Variants in GRID1 observed in about 807,000 individuals in gnomAD.
GRID1 encodes glutamate ionotropic receptor delta type subunit 1, also known as glutamate receptor ionotropic, delta-1.
In GRID1, 28 loss-of-function variants were observed where a neutral mutation model predicts 98.0. That is an observed-to-expected ratio of 0.29 (90% CI 0.21 to 0.39). The LOEUF is 0.39. Ranked by LOEUF, GRID1 falls within the 10% of genes least tolerant of loss-of-function variation. The pLI, the probability that GRID1 is intolerant of heterozygous loss-of-function variation, is 1.00. For missense variants in GRID1, 1,111 were observed against 1,340.5 expected (o/e 0.83, Z 2.67); for synonymous variants, 553 against 538.5 (o/e 1.03, Z -0.37).
chr10:86,321,119 A>G (rs201562913), intron 2 of GRID1, among the ~76,000 whole-genome samples: 16 of 72,834 alleles, frequency 2.2e-4, no homozygotes, highest in Admixed American at 1.6e-3. Flanking sequence ...AAAGAAAAAA[A>G]GCAAAAAAAA....
intron 12 of GRID1, among the ~76,000 whole-genome samples, chr10:85,713,184 G>A (rs993310946): frequency 5.3e-5 from 8 of 151,476 alleles, no homozygotes; most frequent in African/African-American, 1.9e-4. Context: ...TAAGAAAAAG[G>A]TGGGAAGTTT....
intron 2 of GRID1, among the ~76,000 whole-genome samples, chr10:86,263,529 C>T (rs150230734): frequency 0.036 from 5,443 of 152,302 alleles, 212 homozygotes; most frequent in Admixed American, 0.11. Flanking sequence ...TTCGCCAGCA[C>T]CTACAGGCAG....
chr10:85,670,418 T>C (rs1841071783), intron 12 of GRID1, among the ~76,000 whole-genome samples: 1 of 152,174 alleles, frequency 6.6e-6, no homozygotes. Context: ...TATTTCTATC[T>C]TGAATAATTA....
At chr10:86,343,218 T>C (rs1264494489) in intron 2 of GRID1, among the ~76,000 whole-genome samples, 1 of 152,206 alleles carries the variant, frequency 6.6e-6, no homozygotes, top group African/African-American at 2.4e-5. Flanking sequence ...CATCTTAAGC[T>C]ACCTCACAGC....
intron 8 of GRID1, among the ~76,000 whole-genome samples, chr10:85,818,184 CAAAT>C (rs1842732794): frequency 6.6e-6 from 1 of 152,080 alleles, no homozygotes; most frequent in Admixed American, 6.6e-5. Flanking sequence ...AGTGAAGTAA[CAAAT>C]AAGTAAAAAG....
chr10:86,112,124 AG>A (rs1159635972), intron 4 of GRID1, among the ~76,000 whole-genome samples: 1 of 152,164 alleles, frequency 6.6e-6, no homozygotes, highest in Non-Finnish European at 1.5e-5. Context: ...AAGTCATCCC[AG>A]GTGAGGACAC....
Position 86,130,734 on chromosome 10 carries a change from T to A in GRID1, c.726+8085A>T, listed in dbSNP as rs545692103. Among the ~76,000 whole-genome samples, 8 of 152,350 alleles carry A rather than the reference T, an allele frequency of 5.3e-5. No homozygotes were observed. In the South Asian group the frequency reaches 1.7e-3, roughly 32 times the overall value. ...TTAACTTGTCTGTGTGACCTGATTC[T>A]TCCTGGTTGCCAGACAAGGATCTGA... On this transcript the variant is annotated intron_variant, in intron 4 of 15. Coordinates refer to ENST00000327946, the MANE Select transcript of GRID1 (RefSeq NM_017551.3).
At chr10:86,224,469 T>G (rs1376301752) in intron 2 of GRID1, among the ~76,000 whole-genome samples, 1 of 152,146 alleles carries the variant, frequency 6.6e-6, no homozygotes, top group Admixed American at 6.5e-5. Context: ...CCCACTGCCC[T>G]GCCACAGCTG....
At chr10:86,046,098 GTGCCA>G (rs1843419385) in intron 4 of GRID1, among the ~76,000 whole-genome samples, 1 of 152,108 alleles carries the variant, frequency 6.6e-6, no homozygotes, top group Non-Finnish European at 1.5e-5. Flanking sequence ...ACCCACCGTT[GTGCCA>G]TGTCAGTTTA....
chr10:86,346,876 TG>T (rs1474254206), intron 2 of GRID1, among the ~76,000 whole-genome samples: 1 of 152,124 alleles, frequency 6.6e-6, no homozygotes, highest in Non-Finnish European at 1.5e-5. Context: ...AATGTATGCA[TG>T]GGGTAAGGAG....
At chr10:86,328,495 C>T (rs7087612) in intron 2 of GRID1, among the ~76,000 whole-genome samples, 40,524 of 152,198 alleles carry the variant, frequency 0.27, 6,454 homozygotes, top group African/African-American at 0.45. Flanking sequence ...CCATGAGCAG[C>T]GGTGCTCTGC....
intron 4 of GRID1, among the ~76,000 whole-genome samples, chr10:86,062,490 C>G (rs1418159953): frequency 6.6e-6 from 1 of 152,158 alleles, no homozygotes; most frequent in Non-Finnish European, 1.5e-5. Flanking sequence ...TCCCAGACTC[C>G]TCTGCGAGCA....
intron 8 of GRID1, among the ~76,000 whole-genome samples, chr10:85,838,494 G>T (rs1473200674): frequency 6.6e-6 from 1 of 152,098 alleles, no homozygotes; most frequent in Non-Finnish European, 1.5e-5. Flanking sequence ...AGAAGAAATT[G>T]AGCACTGATA....
intron 13 of GRID1, among the ~76,000 whole-genome samples, chr10:85,630,777 C>T (rs916522254): frequency 6.6e-6 from 1 of 152,316 alleles, no homozygotes; most frequent in East Asian, 1.9e-4. Context: ...AAATAAGAGA[C>T]TCTTGGAACG....
At position 85,706,375 on chromosome 10, in the gene GRID1, G is replaced by C. The variant is rs1473774698; in HGVS notation, c.1997+16628C>G. On this transcript the variant is annotated intron_variant, in intron 12 of 15. Coordinates refer to ENST00000327946, the MANE Select transcript of GRID1 (RefSeq NM_017551.3). ...CTCCCATTCACAATTGCTTCAAAGA[G>C]AATAAAATACCTAGGAATCCAACTT... Among the ~76,000 whole-genome samples the C allele has an allele frequency of 2.6e-5, 4 of 152,224 alleles. No individual in the cohort carries two copies. The East Asian group carries it at 7.7e-4, about 29-fold the overall frequency.
chr10:85,785,754 C>T (rs1346100555), intron 8 of GRID1, among the ~76,000 whole-genome samples: 1 of 152,160 alleles, frequency 6.6e-6, no homozygotes. Flanking sequence ...TCTCCACCCC[C>T]AGACTCCCAA....
intron 2 of GRID1, among the ~76,000 whole-genome samples, chr10:86,207,069 G>A (rs769622824): frequency 1.3e-5 from 2 of 152,196 alleles, no homozygotes; most frequent in East Asian, 3.9e-4. Flanking sequence ...GCATCCTCAT[G>A]CCTAGCCACA....
At chr10:86,302,817 A>G (rs181723232) in intron 2 of GRID1, among the ~76,000 whole-genome samples, 156 of 152,376 alleles carry the variant, frequency 1.0e-3, no homozygotes, top group African/African-American at 3.4e-3. Context: ...TATTTCTTGA[A>G]CCACCAGCAG....
Position 86,337,938 on chromosome 10 carries a change from C to T in GRID1, c.235+26003G>A, listed in dbSNP as rs543380973. Reference sequence around the variant, plus strand: ...GGCCAGGCTGGTCTCAAACCCCTGACCTCAGGTGATCCATCTGCCTCGGCC... The same window carrying T: ...GGCCAGGCTGGTCTCAAACCCCTGATCTCAGGTGATCCATCTGCCTCGGCC... On this transcript the variant is annotated intron_variant, in intron 2 of 15. Transcript: ENST00000327946. 6.2e-4 allele frequency among the ~76,000 whole-genome samples: 94 copies of T among 152,206 alleles called. 2 individuals carry two copies. Among genetic ancestry groups the T allele is most frequent in the African/African-American group, 1.9e-3 (80 of 41,544 alleles).
Sources: gnomAD v4.1 joint callset for allele counts (sites outside exome capture counted in the v4.1 genomes callset) on GRCh38, gnomAD v4.1.1 for gene constraint, MANE v1.5 for transcripts, NCBI Gene and HGNC (gene_info 2026-07-23, HGNC 2026-07-21) for gene names.